The following FUT8 variants were observed in gnomAD, a reference collection of about 807,000 sequenced individuals.
FUT8 encodes alpha-(1,6)-fucosyltransferase.
FUT8 carries 29 observed loss-of-function variants against 71.3 expected under a neutral mutation model. The observed-to-expected ratio is 0.41, with a 90% CI of 0.30 to 0.55. The LOEUF is 0.55. FUT8 is among the 20% of genes least tolerant of loss of function. The probability of loss-of-function intolerance (pLI) is 0.34; values close to 1 mark genes in which losing one functional copy is unlikely to be tolerated. For missense variants in FUT8, 544 were observed against 702.1 expected (o/e 0.77, Z 2.55); for synonymous variants, 254 against 239.3 (o/e 1.06, Z -0.57).
intron 6 of FUT8, among the ~76,000 whole-genome samples, chr14:65,650,140 C>CA (rs778234367): frequency 1.9e-4 from 28 of 149,904 alleles, no homozygotes; most frequent in Middle Eastern, 3.4e-3. Flanking sequence ...ACTAAAAATA[C>CA]AAAAAAAAAT....
At chr14:65,431,337 G>T (rs1329929834) in intron 1 of FUT8, among the ~76,000 whole-genome samples, 1 of 134,024 alleles carries the variant, frequency 7.5e-6, no homozygotes, top group Non-Finnish European at 1.5e-5. Context: ...ATGAGACAGG[G>T]TCATGCTCTG....
At chr14:65,400,849 C>T in the FUT8 span, among the ~76,000 whole-genome samples, 3 of 151,994 alleles carry the variant, frequency 2.0e-5, no homozygotes, top group African/African-American at 7.3e-5. Flanking sequence ...CGTGCCACTG[C>T]ACTCCAGCCT....
intron 1 of FUT8, among the ~76,000 whole-genome samples, chr14:65,450,412 T>C (rs1056891087): frequency 2.0e-5 from 3 of 152,240 alleles, no homozygotes; most frequent in African/African-American, 7.2e-5. Context: ...TGAAAACTTA[T>C]ACTTATCGTT....
rs902575167 is a variant in FUT8, at chr14:65,638,855, C to T, written c.597+9249C>T. Among the ~76,000 whole-genome samples, 2 of 152,138 alleles carry T rather than the reference C, an allele frequency of 1.3e-5. No homozygotes were observed. The highest frequency in any genetic ancestry group is 4.8e-5 in the African/African-American group (2 of 41,430). On this transcript the variant is annotated intron_variant, in intron 6 of 10. Transcript: ENST00000673929. This position sits in a 1 kb window ranked among gnomAD's most constrained non-coding sequence, Gnocchi z 4.5. ...AGTAATTCAGATTGCATTTGTATTT[C>T]CGCCTAACCAAAATAAAGCCAGAAG...
the FUT8 span, among the ~76,000 whole-genome samples, chr14:65,386,066 C>T: frequency 6.6e-6 from 1 of 151,594 alleles, no homozygotes; most frequent in Non-Finnish European, 1.5e-5. Context: ...GTGGGAGAAT[C>T]GCTTGAGCCC....
chr14:65,555,447 A>C (rs1885537281), intron 2 of FUT8, among the ~76,000 whole-genome samples: 3 of 152,164 alleles, frequency 2.0e-5, no homozygotes, highest in South Asian at 4.2e-4. Context: ...ACTATAACTT[A>C]GTTTCCTGCC....
At chr14:65,637,458 A>C (rs865944558) in intron 6 of FUT8, among the ~76,000 whole-genome samples, 1 of 152,112 alleles carries the variant, frequency 6.6e-6, no homozygotes, top group African/African-American at 2.4e-5. Flanking sequence ...TCCGAGTTTA[A>C]CTTGAAATTA....
chr14:65,636,757 TGAGAG>T (rs986074356), intron 6 of FUT8: 1 of 152,146 alleles, frequency 6.6e-6, no homozygotes, highest in African/African-American at 2.4e-5. Flanking sequence ...TGGTTTTACT[TGAGAG>T]GAGCAATTTC....
At chr14:65,680,248 G>A (rs939610128) in intron 7 of FUT8, among the ~76,000 whole-genome samples, 6 of 152,202 alleles carry the variant, frequency 3.9e-5, no homozygotes, top group African/African-American at 1.4e-4. Flanking sequence ...CTGAAGGCCT[G>A]AGAACCAGGA....
In FUT8 at chr14:65,669,396, G is replaced by C. The variant is rs1892369222; in HGVS notation, c.751G>C (p.Ala251Pro). 1.6e-5 allele frequency: 26 copies of C among 1,613,680 alleles called. No homozygotes were observed. The highest frequency in any genetic ancestry group is 2.2e-5 in the Non-Finnish European group (26 of 1,179,842). The change falls in exon 7 of 11, where the codon GCT (alanine) becomes CCT (proline). Residue 251 changes from alanine to proline, a missense_variant. Ala to Pro is a conservative substitution (Grantham distance 27, BLOSUM62 -1). Coordinates refer to ENST00000673929, the MANE Select transcript of FUT8 (RefSeq NM_001371533.1). This position sits in a 1 kb window ranked among gnomAD's most constrained non-coding sequence, Gnocchi z 4.5. ...LILESQNWRY[A>P]TGGWETVFRP... ...CTTGGAATCTCAGAATTGGCGCTAT[G>C]CTACTGGTGGATGGGAGACTGTATT...
intron 2 of FUT8, among the ~76,000 whole-genome samples, chr14:65,501,763 CT>C (rs1208070931): frequency 6.6e-6 from 1 of 152,150 alleles, no homozygotes; most frequent in Non-Finnish European, 1.5e-5. Flanking sequence ...CTCTTGGTCT[CT>C]TTTCCTAGCT....
At chr14:65,731,766 A>T (rs528470571) in intron 9 of FUT8, among the ~76,000 whole-genome samples, 85 of 152,206 alleles carry the variant, frequency 5.6e-4, no homozygotes, top group African/African-American at 1.9e-3. Context: ...AAGTGCTGGG[A>T]TTATAGGGAT....
intron 2 of FUT8, among the ~76,000 whole-genome samples, chr14:65,508,335 G>C (rs1186646670): frequency 6.6e-6 from 1 of 151,676 alleles, no homozygotes; most frequent in Non-Finnish European, 1.5e-5. Flanking sequence ...CTCCCAAAGT[G>C]CTAGGATTAC....
At chr14:65,363,015 CA>C in the FUT8 span, among the ~76,000 whole-genome samples, 4 of 140,680 alleles carry the variant, frequency 2.8e-5, no homozygotes, top group Non-Finnish European at 3.0e-5. Context: ...AAATGAGACT[CA>C]AAAAAAAAAA....
chr14:65,560,783 T>C (rs563213488), intron 2 of FUT8, among the ~76,000 whole-genome samples: 30 of 152,292 alleles, frequency 2.0e-4, no homozygotes, highest in South Asian at 2.1e-4. Flanking sequence ...ATGGCTATGA[T>C]AACCTTTACT....
chr14:65,711,849 A>G (rs1343619825), intron 7 of FUT8, among the ~76,000 whole-genome samples: 1 of 152,212 alleles, frequency 6.6e-6, no homozygotes, highest in Admixed American at 6.5e-5. Flanking sequence ...TGAAGAAGTT[A>G]TTAGCCAAAC....
intron 3 of FUT8, among the ~76,000 whole-genome samples, chr14:65,567,937 T>G (rs1427577295): frequency 6.6e-6 from 1 of 151,910 alleles, no homozygotes; most frequent in Non-Finnish European, 1.5e-5. Flanking sequence ...GCCAATTCTG[T>G]TCTCTGGAAA....
At chr14:65,544,150 A>G (rs1481103411) in intron 2 of FUT8, among the ~76,000 whole-genome samples, 1 of 152,208 alleles carries the variant, frequency 6.6e-6, no homozygotes, top group Non-Finnish European at 1.5e-5. Flanking sequence ...AGGTGGAAGG[A>G]ATAGCAAGAA....
At chr14:65,520,244 AGAAC>A (rs1006623490) in intron 2 of FUT8, among the ~76,000 whole-genome samples, 4 of 18,346 alleles carry the variant, frequency 2.2e-4, no homozygotes, top group Non-Finnish European at 3.5e-4. Flanking sequence ...TAAATGGCAA[AGAAC>A]GGAAGTTTTT....
Sources: gnomAD v4.1 joint callset for allele counts (sites outside exome capture counted in the v4.1 genomes callset) on GRCh38, gnomAD v4.1.1 for gene constraint, Gnocchi (gnomAD v3.1) non-coding constraint, MANE v1.5 for transcripts, NCBI Gene and HGNC (gene_info 2026-07-23, HGNC 2026-07-21) for gene names.